ANKMY1: variants seen among roughly 807,000 people sequenced by gnomAD.
ANKMY1 encodes ankyrin repeat and MYND domain containing 1, also known as ankyrin repeat and MYND domain-containing protein 1.
In ANKMY1, 98 loss-of-function variants were observed where a neutral mutation model predicts 102.0. The observed-to-expected ratio is 0.96, with a 90% confidence interval of 0.82 to 1.14. ANKMY1 has a LOEUF of 1.14. Ranked by LOEUF, ANKMY1 falls within the 50% of genes most tolerant of loss-of-function variation. The pLI, the probability that ANKMY1 is intolerant of heterozygous loss-of-function variation, is 0.00. For missense variants in ANKMY1, 1,330 were observed against 1,347.6 expected, an observed-to-expected ratio of 0.99 and a Z score of 0.20; for synonymous variants, 582 against 559.9, an observed-to-expected ratio of 1.04 and a Z score of -0.56.
chr2:240,520,588 C>A lies in ANKMY1; in HGVS notation c.1833-55G>T. On this transcript the variant is annotated intron_variant, in intron 8 of 17. Transcript: ENST00000401804. This position sits in a 1 kb window ranked among gnomAD's most constrained non-coding sequence, Gnocchi z 4.8. ...TGGAGGGCAGGCACCTGCACTGCGC[C>A]CAGAACGGGGCCATGCCAGCGAGGA... 6.4e-7 allele frequency: 1 copy of A among 1,553,962 alleles called. No homozygotes were observed. The highest frequency in any genetic ancestry group is 1.2e-5 in the South Asian group (1 of 82,478).
intron 15 of ANKMY1, among the ~76,000 whole-genome samples, chr2:240,486,437 T>C (rs1023816000): frequency 1.3e-5 from 2 of 152,236 alleles, no homozygotes; most frequent in African/African-American, 2.4e-5. Context: ...TATATTCTTC[T>C]TTACAATTAA....
At chr2:240,477,553 C>T (rs1006961420), downstream of ANKMY1, among the ~76,000 whole-genome samples, 16 of 152,050 alleles carry the variant, frequency 1.1e-4, no homozygotes, top group African/African-American at 3.9e-4. Context: ...TGCGACCACA[C>T]CTGACTAAGA....
rs571269324 is a variant in ANKMY1, at chr2:240,525,824, T to C, written c.1196A>G (p.Asn399Ser). The C allele has an allele frequency of 3.7e-5, 59 of 1,614,024 alleles. No individual in the cohort carries two copies. In the East Asian group the frequency reaches 7.8e-4, roughly 21 times the overall value. ...AATHCHNDIV[N>S]LLLDCGADVN... ...GTCGGCCCCACAGTCCAGGAGAAGG[T>C]TGACAATGTCGTTGTGGCAGTGAGT... The change falls in exon 7 of 18, where the codon AAC (asparagine) becomes AGC (serine). Residue 399 changes from asparagine (N) to serine (S), a missense_variant. Coordinates refer to ENST00000401804, the MANE Select transcript of ANKMY1 (RefSeq NM_001282771.3).
chr2:240,479,122 C>G (rs2075061497), downstream of ANKMY1, among the ~76,000 whole-genome samples: 1 of 152,234 alleles, frequency 6.6e-6, no homozygotes, highest in Admixed American at 6.5e-5. Flanking sequence ...GCACGGGGAA[C>G]AAACGAGCAC....
rs541471452 is a variant in ANKMY1 at position 240,545,380 on chromosome 2, C to T, written c.480+7534G>A. Among the ~76,000 whole-genome samples the T allele has an allele frequency of 6.6e-5, 10 of 152,264 alleles. No homozygotes were observed. In the South Asian group the frequency reaches 8.3e-4, roughly 13 times the overall value. ...TCTGTACATCACCATCATCAAAGAC[C>T]GAAAGTAGATAAAACCACAAAGATG... On this transcript the variant is annotated intron_variant, in intron 4 of 17. Coordinates refer to ENST00000401804, the MANE Select transcript of ANKMY1 (RefSeq NM_001282771.3).
At chr2:240,538,679 C>T (rs538567170) in intron 4 of ANKMY1, among the ~76,000 whole-genome samples, 1 of 152,184 alleles carries the variant, frequency 6.6e-6, no homozygotes, top group Non-Finnish European at 1.5e-5. Context: ...CACTGACGGG[C>T]ACCTCCCCCA....
Position 240,554,956 on chromosome 2 carries a change from C to T in ANKMY1, c.246G>A (p.Val82=), listed in dbSNP as rs908423608. ...RESYIQLVQG[V]QEWQDGCMYQ... Reference sequence around the variant, plus strand: ...ACATGCAACCATCCTGCCACTCCTGCACACCCTGGACGAGCTGGATGTAGG... The same window carrying T: ...ACATGCAACCATCCTGCCACTCCTGTACACCCTGGACGAGCTGGATGTAGG... The change falls in exon 3 of 18, where the codon GTG becomes GTA. Residue 82 remains valine (V), a synonymous_variant. Transcript: ENST00000401804. The T allele has an allele frequency of 6.2e-7, 1 of 1,614,098 alleles. No homozygotes were observed. The highest frequency in any genetic ancestry group is 1.3e-5 in the African/African-American group (1 of 74,950).
rs2083403009 is a variant in ANKMY1 at position 240,526,371 on chromosome 2, C to A, written c.1028G>T (p.Gly343Val). 6.2e-7 allele frequency: 1 copy of A among 1,614,222 alleles called. No individual in the cohort carries two copies. Among genetic ancestry groups the A allele is most frequent in the Non-Finnish European group, 8.5e-7 (1 of 1,180,038 alleles). The change falls in exon 6 of 18, where the codon GGG becomes GTG. Residue 343 changes from glycine to valine, a missense_variant. By Grantham distance (109) the Gly-to-Val change is moderately radical (BLOSUM62 -3). Coordinates refer to ENST00000401804, the MANE Select transcript of ANKMY1 (RefSeq NM_001282771.3). ...EGKRSGFAPC[G>V]PKEQLSMEMI... ...CTCCATGGAAAGTTGCTCTTTGGGCCCACAGGGTGCAAAGCCACTGCGCTT... is the reference window on the plus strand; with the variant it reads ...CTCCATGGAAAGTTGCTCTTTGGGCACACAGGGTGCAAAGCCACTGCGCTT...
rs529753315 is a variant in ANKMY1, at chr2:240,501,506, C to T, written c.2527-941G>A. Among the ~76,000 whole-genome samples, 18 of 152,236 alleles carry T rather than the reference C, an allele frequency of 1.2e-4. No homozygotes were observed. In the South Asian group the frequency reaches 3.5e-3, roughly 30 times the overall value. ...GGCAGCCTGTGTGAGTGGATGGAAA[C>T]CAGGCCATCATCTGTGGAAGGCTCA... On this transcript the variant is annotated intron_variant, in intron 13 of 17. Transcript: ENST00000401804.
chr2:240,526,611 T>G, intron 5 of ANKMY1, 166 bp from the exon 6 acceptor site: 1 of 1,458,506 alleles, frequency 6.9e-7, no homozygotes, highest in Non-Finnish European at 9.0e-7. Flanking sequence ...CCGCAGCTGC[T>G]CACAATCCAC....
At chr2:240,545,290 G>GCTGAGGGTC (rs1460859146) in intron 4 of ANKMY1, among the ~76,000 whole-genome samples, 2 of 152,320 alleles carry the variant, frequency 1.3e-5, no homozygotes, top group Non-Finnish European at 2.9e-5. Flanking sequence ...CAGACCTGCA[G>GCTGAGGGTC]CTGAGGGTCC....
chr2:240,473,330 C>A, the ANKMY1 span, among the ~76,000 whole-genome samples: 1 of 146,950 alleles, frequency 6.8e-6, no homozygotes, highest in African/African-American at 2.5e-5. Flanking sequence ...AAAATGGAAA[C>A]CATAAAAAAG....
chr2:240,526,904 A>C (rs115945477), intron 5 of ANKMY1: 1 of 1,128,748 alleles, frequency 8.9e-7, no homozygotes, highest in South Asian at 2.1e-5. Flanking sequence ...TCATCACACA[A>C]CACTGATGCC....
the ANKMY1 span, among the ~76,000 whole-genome samples, chr2:240,469,794 G>GCACACTCCTACACATGTA: frequency 6.7e-6 from 1 of 148,870 alleles, no homozygotes; most frequent in African/African-American, 2.5e-5. Flanking sequence ...ATGCACATGT[G>GCACACTCCTACACATGTA]CACACTCCTA....
At chr2:240,538,159 A>C (rs1259494515) in intron 4 of ANKMY1, among the ~76,000 whole-genome samples, 1 of 151,952 alleles carries the variant, frequency 6.6e-6, no homozygotes, top group Non-Finnish European at 1.5e-5. Context: ...GCCTCCTCTG[A>C]CTCCGCGTCC....
intron 9 of ANKMY1, among the ~76,000 whole-genome samples, chr2:240,516,331 A>G (rs1390543334): frequency 1.3e-5 from 2 of 152,044 alleles, no homozygotes; most frequent in African/African-American, 4.8e-5. Flanking sequence ...TTTGGGGGGT[A>G]TTGGGTCCCT....
chr2:240,484,490 G>T (rs2075814861), intron 15 of ANKMY1, among the ~76,000 whole-genome samples: 8 of 152,166 alleles, frequency 5.3e-5, no homozygotes. Context: ...TGGGAAAACT[G>T]GCTAGCCATA....
chr2:240,548,208 T>C (rs1047832883), intron 4 of ANKMY1, among the ~76,000 whole-genome samples: 5 of 152,166 alleles, frequency 3.3e-5, no homozygotes, highest in Non-Finnish European at 5.9e-5. Flanking sequence ...GGTGGTTCAA[T>C]ATACGCAAAT....
At chr2:240,538,404 G>C (rs1474264829) in intron 4 of ANKMY1, among the ~76,000 whole-genome samples, 1 of 152,196 alleles carries the variant, frequency 6.6e-6, no homozygotes, top group African/African-American at 2.4e-5. Context: ...GCCCCGGGCA[G>C]TGAGGGGCTT....
Sources: allele counts gnomAD v4.1 joint callset (sites outside exome capture counted in the v4.1 genomes callset), GRCh38; gene constraint gnomAD v4.1.1; non-coding constraint Gnocchi (gnomAD v3.1); transcripts MANE v1.5; gene names NCBI Gene and HGNC (gene_info 2026-07-23, HGNC 2026-07-21).